TBX5: variants seen among roughly 807,000 people sequenced by gnomAD.
TBX5 encodes T-box transcription factor 5.
In TBX5, 8 loss-of-function variants were observed where a neutral mutation model predicts 51.1. The ratio of observed to expected loss-of-function variants is 0.16; its 90% confidence interval spans 0.09 to 0.28. The LOEUF (loss-of-function observed/expected upper bound fraction) is 0.28. Ranked by LOEUF, TBX5 falls within the 10% of genes least tolerant of loss-of-function variation. The pLI, the probability that TBX5 is intolerant of heterozygous loss-of-function variation, is 1.00. For missense variants in TBX5, 589 were observed against 671.7 expected (o/e 0.88, Z 1.36); for synonymous variants, 302 against 266.4 (o/e 1.13, Z -1.30).
At chr12:114,384,722 C>CACACACACAT (rs1308756230) in intron 7 of TBX5, among the ~76,000 whole-genome samples, 1 of 132,856 alleles carries the variant, frequency 7.5e-6, no homozygotes, top group Non-Finnish European at 1.6e-5. Flanking sequence ...AAAACACACA[C>CACACACACAT]ACACACACAC....
intron 8 of TBX5, among the ~76,000 whole-genome samples, chr12:114,361,552 A>G (rs1046213002): frequency 5.3e-5 from 8 of 152,136 alleles, no homozygotes; most frequent in Non-Finnish European, 1.0e-4. Context: ...GGCTCAGTCC[A>G]TCGGGAGAGA....
chr12:114,376,357 C>T (rs1870189560), intron 7 of TBX5, among the ~76,000 whole-genome samples: 1 of 152,000 alleles, frequency 6.6e-6, no homozygotes, highest in Non-Finnish European at 1.5e-5. Context: ...CATGAATGAA[C>T]CTGGAGGACA....
At chr12:114,385,623 A>G (rs1246075386) in intron 6 of TBX5, 56 bp from the exon 7 acceptor site, 14 of 1,374,978 alleles carry the variant, frequency 1.0e-5, no homozygotes, top group Non-Finnish European at 1.5e-5. Flanking sequence ...CTGCAAGACC[A>G]CCTCAGGACA....
chr12:114,386,822 G>A (rs908979466), intron 6 of TBX5, among the ~76,000 whole-genome samples: 2 of 152,034 alleles, frequency 1.3e-5, no homozygotes, highest in African/African-American at 4.8e-5. Flanking sequence ...AGCCAGCCAT[G>A]GTGGCTCATG....
chr12:114,404,746 G>A (rs1230532157), intron 1 of TBX5, among the ~76,000 whole-genome samples: 2 of 152,118 alleles, frequency 1.3e-5, no homozygotes, highest in African/African-American at 4.8e-5. Flanking sequence ...GGGGGATGGC[G>A]GGCATTTTGT....
At chr12:114,402,124 C>A (rs111411144) in intron 2 of TBX5, among the ~76,000 whole-genome samples, 50 of 152,182 alleles carry the variant, frequency 3.3e-4, no homozygotes, top group African/African-American at 1.1e-3. Flanking sequence ...AGGCTGAATC[C>A]CTGAGGGTTG....
chr12:114,356,246 A>ATC, intron 8 of TBX5, 140 bp from the exon 9 acceptor site: 1 of 854,618 alleles, frequency 1.2e-6, no homozygotes, highest in Non-Finnish European at 1.9e-6. Flanking sequence ...ATACAAAAAA[A>ATC]GGGGGTTGGA....
At chr12:114,389,748 C>T (rs1482310781) in intron 6 of TBX5, among the ~76,000 whole-genome samples, 145 of 78,174 alleles carry the variant, frequency 1.9e-3, no homozygotes, top group African/African-American at 2.5e-3. Flanking sequence ...AGCGAGACTC[C>T]GTCTCAAAAA....
At chr12:114,370,293 A>AAAAG (rs1869810527) in intron 7 of TBX5, among the ~76,000 whole-genome samples, 23 of 128,702 alleles carry the variant, frequency 1.8e-4, no homozygotes, top group Non-Finnish European at 1.8e-4. Flanking sequence ...GAAAAGAAAG[A>AAAAG]AAAGAAAAGA....
chr12:114,355,863 C>T lies in TBX5; in HGVS notation c.1226G>A (p.Ser409Asn). Reference protein sequence around the residue: ...NTWPSMPSYSSCTVTTVQPMD... With the variant: ...NTWPSMPSYSNCTVTTVQPMD... The stretch of plus-strand genomic sequence containing the variant: ...GGGCTGCACGGTGGTGACGGTGCAG[C>T]TGCTGTAGGAAGGCATGCTTGGCCA... The change falls in exon 9 of 9, where the codon AGC (serine) becomes AAC (asparagine). Residue 409 changes from serine (S) to asparagine (N), a missense_variant. Ser to Asn is a conservative substitution (Grantham distance 46). Coordinates refer to ENST00000405440, the MANE Select transcript of TBX5 (RefSeq NM_181486.4). 2 of 1,613,782 alleles carry T rather than the reference C, an allele frequency of 1.2e-6. No homozygotes were observed. The highest frequency in any genetic ancestry group is 1.7e-6 in the Non-Finnish European group (2 of 1,180,012).
chr12:114,364,619 A>G (rs560014314), intron 8 of TBX5, among the ~76,000 whole-genome samples: 6 of 152,238 alleles, frequency 3.9e-5, no homozygotes, highest in African/African-American at 1.4e-4. Context: ...TCAAGCTCTC[A>G]CCTAGAGAGG....
At chr12:114,402,236 C>G (rs4548671) in intron 2 of TBX5, among the ~76,000 whole-genome samples, 5,828 of 152,032 alleles carry the variant, frequency 0.038, 377 homozygotes, top group African/African-American at 0.13. Context: ...CGGAATGTCA[C>G]TGAGGAGGAC....
chr12:114,372,674 T>A (rs1490168848), intron 7 of TBX5, among the ~76,000 whole-genome samples: 1 of 152,040 alleles, frequency 6.6e-6, no homozygotes, highest in Non-Finnish European at 1.5e-5. Flanking sequence ...CAAAGGCACT[T>A]CTCTCCCTGG....
chr12:114,372,303 G>A (rs531759422), intron 7 of TBX5, among the ~76,000 whole-genome samples: 4 of 152,072 alleles, frequency 2.6e-5, no homozygotes, highest in South Asian at 4.2e-4. Context: ...TCCCATTGTC[G>A]GTTTTTTTCT....
At chr12:114,365,765 G>A (rs1300852440) in intron 8 of TBX5, among the ~76,000 whole-genome samples, 1 of 150,718 alleles carries the variant, frequency 6.6e-6, no homozygotes, top group African/African-American at 2.4e-5. Context: ...AGGTGGTTGA[G>A]GCTGCAGTGA....
intron 7 of TBX5, among the ~76,000 whole-genome samples, chr12:114,367,190 AAAG>A (rs562213087): frequency 2.0e-5 from 3 of 152,082 alleles, no homozygotes; most frequent in Non-Finnish European, 4.4e-5. Context: ...AGAAAATGAG[AAAG>A]AAGGAGGAAC....
intron 1 of TBX5, among the ~76,000 whole-genome samples, chr12:114,405,296 G>T (rs1002441638): frequency 2.0e-5 from 3 of 151,980 alleles, no homozygotes; most frequent in Non-Finnish European, 2.9e-5. Flanking sequence ...CAGGGCTGGC[G>T]CCCCTACACG....
intron 2 of TBX5, among the ~76,000 whole-genome samples, chr12:114,403,205 C>T (rs1871942542): frequency 6.6e-6 from 1 of 152,240 alleles, no homozygotes; most frequent in Non-Finnish European, 1.5e-5. Flanking sequence ...GATGGCGCGC[C>T]AGCCAGCCAG....
chr12:114,368,453 G>A (rs993638281), intron 7 of TBX5, among the ~76,000 whole-genome samples: 3 of 152,124 alleles, frequency 2.0e-5, no homozygotes, highest in Non-Finnish European at 4.4e-5. Flanking sequence ...TCTTGAATTC[G>A]TCCATTTCAT....
Sources: gnomAD v4.1 joint callset for allele counts (sites outside exome capture counted in the v4.1 genomes callset) on GRCh38, gnomAD v4.1.1 for gene constraint, MANE v1.5 for transcripts, NCBI Gene and HGNC (gene_info 2026-07-23, HGNC 2026-07-21) for gene names.